Variants in NUP160 observed in about 807,000 individuals in gnomAD.
NUP160 encodes the protein nucleoporin 160.
Under a neutral mutation model 196.9 loss-of-function variants are expected in NUP160, and 94 were observed. That is an observed-to-expected ratio of 0.48 (90% CI 0.40 to 0.57). The LOEUF (loss-of-function observed/expected upper bound fraction) is 0.57. Among genes scored for constraint, NUP160 ranks in the 20% least tolerant of loss-of-function variants. NUP160 has a pLI of 0.00. For synonymous variants in NUP160, 605 were observed against 619.7 expected (o/e 0.98, Z 0.35); for missense variants, 1,638 against 1,748.3 (o/e 0.94, Z 1.13).
exon 18 of NUP160, chr11:47,808,415 C>T (rs762269294): frequency 1.9e-6 from 3 of 1,613,034 alleles, no homozygotes; most frequent in African/African-American, 1.3e-5. Context: ...AGTGGAACAT[C>T]AGTTGCCAAG....
At position 47,838,139 on chromosome 11, in the gene NUP160, TG is replaced by T. The variant is rs1852213760; in HGVS notation, c.749-517del. On this transcript the variant is annotated intron_variant, in intron 4 of 35. Transcript: ENST00000378460. ...AGGGCAGGCAGGGGCACTGCAATTT[TG>T]AAAAGGATGGTCAGGGAAGGCCTCA... 9.9e-5 allele frequency among the ~76,000 whole-genome samples: 15 copies of T among 152,208 alleles called. No individual in the cohort carries two copies. The South Asian group carries it at 3.1e-3, about 32-fold the overall frequency.
intron 27 of NUP160, among the ~76,000 whole-genome samples, chr11:47,793,183 A>G (rs1416558169): frequency 6.6e-6 from 1 of 151,944 alleles, no homozygotes. Context: ...AGAGTTTAGT[A>G]GAGAGTTTCA....
intron 2 of NUP160, chr11:47,841,398 CA>C (rs1451215835): frequency 2.4e-5 from 11 of 460,192 alleles, no homozygotes; most frequent in African/African-American, 2.1e-4. Context: ...CAATCCTGAC[CA>C]ACCGCTCAGA....
chr11:47,783,791 C>A (rs1160102143), intron 33 of NUP160, among the ~76,000 whole-genome samples: 1 of 151,906 alleles, frequency 6.6e-6, no homozygotes, highest in African/African-American at 2.4e-5. Flanking sequence ...AGTGGTGCAA[C>A]CTCAGATCAC....
At position 47,812,809 on chromosome 11, in the gene NUP160, T is replaced by C; in HGVS notation, c.1952+73A>G. ...TATTCTGTACGCTCTGGAACATACA[T>C]TAAAATTCCAACTTTGGCGCTAAAA... On this transcript the variant is annotated intron_variant, in intron 15 of 35. Transcript: ENST00000378460. 2.3e-6 allele frequency: 3 copies of C among 1,312,158 alleles called. No individual in the cohort carries two copies. In the South Asian group the frequency reaches 3.9e-5, roughly 17 times the overall value. The allele number at this position is 1,312,158 out of a possible 1,614,324, so 81.3% of individuals were successfully genotyped here. A position where few individuals can be genotyped will look rare whatever the true frequency, so the allele number is the denominator to read the frequency against.
exon 11 of NUP160, chr11:47,818,110 T>C: frequency 6.2e-7 from 1 of 1,610,552 alleles, no homozygotes; most frequent in Non-Finnish European, 8.5e-7. Context: ...TAAAAAGACT[T>C]TGCAGATACA....
chr11:47,814,490 G>A (rs1184445446), intron 13 of NUP160, among the ~76,000 whole-genome samples: 2 of 149,522 alleles, frequency 1.3e-5, no homozygotes, highest in Non-Finnish European at 3.0e-5. Context: ...GCAGTGAGCC[G>A]AGATTGCACC....
chr11:47,829,798 C>G (rs1852038984), intron 7 of NUP160, among the ~76,000 whole-genome samples: 1 of 152,158 alleles, frequency 6.6e-6, no homozygotes, highest in South Asian at 2.1e-4. Context: ...CCATCCTGAA[C>G]ATACGAACGG....
chr11:47,784,282 G>A (rs566799180), intron 33 of NUP160, among the ~76,000 whole-genome samples: 2 of 152,300 alleles, frequency 1.3e-5, no homozygotes, highest in East Asian at 3.9e-4. Flanking sequence ...GAATAATTCT[G>A]ATGCAGACAG....
In NUP160 at chr11:47,812,870, A is replaced by G; in HGVS notation, c.1952+12T>C. 1 of 1,594,422 alleles carries G rather than the reference A, an allele frequency of 6.3e-7. No individual in the cohort carries two copies. The highest frequency in any genetic ancestry group is 8.5e-7 in the Non-Finnish European group (1 of 1,173,650). ...TCCATTAGGAAATGCACTTTACCCT[A>G]ATTCTCCTTACACATCAATAGTGAT... On this transcript the variant is annotated intron_variant, in intron 15 of 35. Transcript: ENST00000378460.
intron 30 of NUP160, 28 bp from the exon 31 acceptor site, chr11:47,788,333 T>C (rs570031253): frequency 6.2e-7 from 1 of 1,613,434 alleles, no homozygotes; most frequent in African/African-American, 1.3e-5. Context: ...GATTATTTCG[T>C]GTAGCCAAGG....
exon 18 of NUP160, chr11:47,808,432 C>T (rs372955674): frequency 9.9e-6 from 16 of 1,613,596 alleles, no homozygotes; most frequent in Non-Finnish European, 1.3e-5. Flanking sequence ...CAAGCACTCA[C>T]TTCCCCATTT....
chr11:47,848,241 C>G lies in NUP160; in HGVS notation c.180G>C (p.Arg60=), dbSNP rs760616314. The stretch of plus-strand genomic sequence containing the variant: ...TACCAATGCTGCAGACTGTGAATTC[C>G]CGAAAGTGCCTCGGCCTTTCGCGCT... The change falls in exon 1 of 36, where the codon CGG becomes CGC. Residue 60 remains arginine (R), a synonymous_variant. Transcript: ENST00000378460. The G allele has an allele frequency of 4.3e-6, 7 of 1,614,182 alleles. No individual in the cohort carries two copies. The South Asian group carries it at 7.7e-5, about 18-fold the overall frequency.
intron 7 of NUP160, among the ~76,000 whole-genome samples, chr11:47,834,531 CT>C (rs1852137874): frequency 1.3e-5 from 2 of 152,194 alleles, no homozygotes; most frequent in African/African-American, 4.8e-5. Context: ...AGCTCTTCCT[CT>C]TCCCTTCCAT....
intron 27 of NUP160, among the ~76,000 whole-genome samples, chr11:47,794,131 GA>G (rs758397887): frequency 2.0e-5 from 3 of 152,166 alleles, no homozygotes; most frequent in Non-Finnish European, 4.4e-5. Flanking sequence ...TTTGCAAGAT[GA>G]AAAGTGTTCT....
chr11:47,812,471 C>A lies in NUP160; in HGVS notation c.1953-42G>T, dbSNP rs781633017. 4.4e-6 allele frequency: 7 copies of A among 1,583,636 alleles called. No homozygotes were observed. The South Asian group carries it at 6.8e-5, about 15-fold the overall frequency. On this transcript the variant is annotated intron_variant, in intron 15 of 35. Transcript: ENST00000378460. ...AAAACTCTTATTACTACCGAGAATA[C>A]GTAAGGCAAGTTCTATATGTCCTAT...
intron 2 of NUP160, among the ~76,000 whole-genome samples, chr11:47,844,977 G>C (rs1421879155): frequency 5.9e-5 from 9 of 152,170 alleles, no homozygotes; most frequent in Non-Finnish European, 1.3e-4. Flanking sequence ...TCAACGCCAT[G>C]ACAGTTTACA....
intron 2 of NUP160, chr11:47,841,297 A>T (rs2135403893): frequency 6.8e-6 from 2 of 295,022 alleles, no homozygotes; most frequent in East Asian, 1.6e-4. Flanking sequence ...ACTGCTGCAC[A>T]GGGTTTTTAG....
At chr11:47,821,755 G>C in exon 9 of NUP160, 3 of 1,613,874 alleles carry the variant, frequency 1.9e-6, no homozygotes, top group Non-Finnish European at 2.5e-6. Flanking sequence ...ACTACTGTTT[G>C]GTTCTCAGCA....
Sources: allele counts gnomAD v4.1 joint callset (sites outside exome capture counted in the v4.1 genomes callset), GRCh38; gene constraint gnomAD v4.1.1; transcripts MANE v1.5; gene names NCBI Gene and HGNC (gene_info 2026-07-23, HGNC 2026-07-21).